GRM1: variants seen among roughly 807,000 people sequenced by gnomAD.
GRM1 encodes the protein metabotropic glutamate receptor 1.
GRM1 carries 33 observed loss-of-function variants against 90.9 expected under a neutral mutation model. The observed-to-expected ratio is 0.36, with a 90% CI of 0.28 to 0.49. GRM1 has a LOEUF of 0.49. Ranked by LOEUF, GRM1 falls within the 20% of genes least tolerant of loss-of-function variation. The pLI is 0.99. For missense variants in GRM1, 1,190 were observed against 1,534.3 expected, an observed-to-expected ratio of 0.78 and a Z score of 3.75; for synonymous variants, 700 against 613.2, an observed-to-expected ratio of 1.14 and a Z score of -2.09.
At chr6:146,211,798 T>C (rs1453200573) in intron 2 of GRM1, among the ~76,000 whole-genome samples, 1 of 152,222 alleles carries the variant, frequency 6.6e-6, no homozygotes, top group Non-Finnish European at 1.5e-5. Context: ...TGTTTTCAGT[T>C]TCATTTTTAG....
At position 146,399,745 on chromosome 6, in the gene GRM1, G is replaced by T. The variant is rs1777086656; in HGVS notation, c.2660+46G>T. 7.7e-7 allele frequency: 1 copy of T among 1,299,688 alleles called. No homozygotes were observed. Among genetic ancestry groups the T allele is most frequent in the African/African-American group, 1.6e-5 (1 of 63,200 alleles). 80.5% of individuals were successfully genotyped at this position (1,299,688 alleles called of 1,614,324 possible). A position where few individuals can be genotyped will look rare whatever the true frequency, so the allele number is the denominator to read the frequency against. On this transcript the variant is annotated intron_variant, in intron 7 of 7. Transcript: ENST00000282753. The surrounding 1 kb of genome is among the most constrained non-coding windows in gnomAD (Gnocchi z 5.4). ...GTCTCTCTTTTCTCTTCCTTTCTCT[G>T]TCTCTTTCTCTCTCTCTCTCTCTCT... is the stretch of plus-strand genomic sequence containing the variant.
chr6:146,344,820 C>CT (rs3216605), intron 3 of GRM1, among the ~76,000 whole-genome samples: 4 of 151,346 alleles, frequency 2.6e-5, no homozygotes, highest in South Asian at 4.2e-4. Context: ...TTTTTTCTTT[C>CT]TTTTTTTTGA....
chr6:146,073,394 T>C (rs1776081156), intron 1 of GRM1, among the ~76,000 whole-genome samples: 1 of 152,168 alleles, frequency 6.6e-6, no homozygotes. Flanking sequence ...CATGGTGTAG[T>C]AAAATGTGGA....
intron 2 of GRM1, among the ~76,000 whole-genome samples, chr6:146,279,335 C>T (rs1028678707): frequency 6.6e-6 from 1 of 152,024 alleles, no homozygotes; most frequent in East Asian, 1.9e-4. Flanking sequence ...ACTTCTATTA[C>T]ATACTCTCTT....
chr6:146,399,366 A>G lies in GRM1; in HGVS notation c.2327A>G (p.Asn776Ser), dbSNP rs202131266. Residue 776 changes from asparagine (N) to serine (S), a missense_variant, in exon 7 of 8, where the codon AAC becomes AGC. Asn to Ser is a conservative substitution (Grantham distance 46). Coordinates refer to ENST00000282753, the MANE Select transcript of GRM1 (RefSeq NM_001278064.2). This position sits in a 1 kb window ranked among gnomAD's most constrained non-coding sequence, Gnocchi z 5.4. Reference protein sequence around the residue: ...SCTYYAFKTRNVPANFNEAKY... With the variant: ...SCTYYAFKTRSVPANFNEAKY... ...ACCTACTATGCCTTCAAGACCCGCA[A>G]CGTGCCCGCCAACTTCAACGAGGCC... 6.2e-7 allele frequency: 1 copy of G among 1,614,148 alleles called. No homozygotes were observed. The highest frequency in any genetic ancestry group is 8.5e-7 in the Non-Finnish European group (1 of 1,180,022).
Position 146,029,535 on chromosome 6 carries a change from G to T in GRM1, c.18G>T (p.Leu6Phe), listed in dbSNP as rs745933615. 4 of 1,613,072 alleles carry T rather than the reference G, an allele frequency of 2.5e-6. No individual in the cohort carries two copies. Among genetic ancestry groups the T allele is most frequent in the Non-Finnish European group, 2.5e-6 (3 of 1,179,320 alleles). The change falls in exon 1 of 8, where the codon TTG (leucine) becomes TTT (phenylalanine). Residue 6 changes from leucine to phenylalanine, a missense_variant. Leu to Phe is a conservative substitution (Grantham distance 22). This residue lies in a region of GRM1 where 44 missense variants were observed against 35.8 expected (regional missense o/e 1.23). Coordinates refer to ENST00000282753, the MANE Select transcript of GRM1 (RefSeq NM_001278064.2). ...TCACCACCATGGTCGGGCTCCTTTT[G>T]TTTTTTTTCCCAGCGATCTTTTTGG... MVGLL[L>F]FFFPAIFLEV...
intron 3 of GRM1, among the ~76,000 whole-genome samples, chr6:146,341,485 C>T (rs1784978784): frequency 2.0e-5 from 3 of 152,006 alleles, no homozygotes; most frequent in African/African-American, 7.3e-5. Flanking sequence ...AGCACCTGAC[C>T]ACGTTTGTGT....
At chr6:146,036,627 T>G (rs1790900846) in intron 1 of GRM1, among the ~76,000 whole-genome samples, 1 of 151,974 alleles carries the variant, frequency 6.6e-6, no homozygotes, top group Non-Finnish European at 1.5e-5. Flanking sequence ...AATAGAACAT[T>G]AATGTTTTTA....
Position 146,435,844 on chromosome 6 carries a change from A to G in GRM1, c.*1048A>G, listed in dbSNP as rs901111416. 2 of 152,638 alleles carry G rather than the reference A, an allele frequency of 1.3e-5. No homozygotes were observed. The highest frequency in any genetic ancestry group is 2.9e-5 in the Non-Finnish European group (2 of 68,042). The allele number at this position is 152,638 out of a possible 1,614,324, so 9.5% of individuals were successfully genotyped here. The stretch of plus-strand genomic sequence containing the variant: ...GTAGCAAATAATACCTACAAGTTGA[A>G]CTTCTAAGATGCGTATATGTACAAT... On this transcript the variant is annotated 3_prime_UTR_variant, in exon 8 of 8. Transcript: ENST00000282753.
chr6:146,255,046 G>C (rs1004533373), intron 2 of GRM1, among the ~76,000 whole-genome samples: 1 of 152,164 alleles, frequency 6.6e-6, no homozygotes, highest in East Asian at 1.9e-4. Flanking sequence ...AAGAATGTGA[G>C]ATAACTTAAG....
intron 3 of GRM1, among the ~76,000 whole-genome samples, chr6:146,345,531 G>C (rs1232593643): frequency 6.6e-6 from 1 of 152,096 alleles, no homozygotes; most frequent in Non-Finnish European, 1.5e-5. Context: ...TTTTCCCTTT[G>C]TGTTATTAGC....
intron 2 of GRM1, among the ~76,000 whole-genome samples, chr6:146,299,272 A>G (rs1347447596): frequency 6.6e-6 from 1 of 152,196 alleles, no homozygotes; most frequent in African/African-American, 2.4e-5. Context: ...TATAATTGTA[A>G]CTTTAATATC....
At chr6:146,184,714 T>C (rs1380748660) in intron 2 of GRM1, among the ~76,000 whole-genome samples, 4 of 152,204 alleles carry the variant, frequency 2.6e-5, no homozygotes, top group Non-Finnish European at 5.9e-5. Context: ...CATTTATTTA[T>C]TTTTCATGTT....
intron 3 of GRM1, among the ~76,000 whole-genome samples, chr6:146,333,818 T>A (rs1583341036): frequency 6.6e-6 from 1 of 152,114 alleles, no homozygotes; most frequent in East Asian, 1.9e-4. Flanking sequence ...GTTTATGAGC[T>A]GTCACAGCCC....
At chr6:146,158,971 A>G (rs1438836272) in intron 1 of GRM1, among the ~76,000 whole-genome samples, 1 of 152,232 alleles carries the variant, frequency 6.6e-6, no homozygotes, top group East Asian at 1.9e-4. Context: ...AAGTCCTCAA[A>G]TAAACAGAGC....
chr6:146,294,344 A>C (rs1366069490), intron 2 of GRM1, among the ~76,000 whole-genome samples: 2 of 151,936 alleles, frequency 1.3e-5, no homozygotes, highest in African/African-American at 2.4e-5. Context: ...CAATTTCCTT[A>C]GAAGTTTAAA....
intron 1 of GRM1, among the ~76,000 whole-genome samples, chr6:146,049,210 G>A (rs866087340): frequency 6.6e-6 from 1 of 151,870 alleles, no homozygotes; most frequent in South Asian, 2.1e-4. Flanking sequence ...CTAATTTTAG[G>A]TGTCAGCTTG....
intron 1 of GRM1, among the ~76,000 whole-genome samples, chr6:146,093,626 C>T (rs185498248): frequency 1.2e-4 from 18 of 152,008 alleles, no homozygotes; most frequent in Admixed American, 1.2e-3. Flanking sequence ...CTTTTATTGT[C>T]TCACATACCC....
intron 1 of GRM1, among the ~76,000 whole-genome samples, chr6:146,069,508 A>C (rs1320574409): frequency 1.3e-5 from 2 of 152,142 alleles, no homozygotes; most frequent in African/African-American, 4.8e-5. Flanking sequence ...AATGTCTTTT[A>C]TTTTATTTGT....
Sources: allele counts gnomAD v4.1 joint callset (sites outside exome capture counted in the v4.1 genomes callset), GRCh38; gene constraint gnomAD v4.1.1; regional missense constraint gnomAD v4.1.1; non-coding constraint Gnocchi (gnomAD v3.1); transcripts MANE v1.5; gene names NCBI Gene and HGNC (gene_info 2026-07-23, HGNC 2026-07-21).